ARHGEF10: variants seen among roughly 807,000 people sequenced by gnomAD.
The protein encoded by ARHGEF10 is Rho guanine nucleotide exchange factor 10.
A neutral mutation model predicts 147.4 loss-of-function variants in ARHGEF10; 140 were observed. The ratio of observed to expected loss-of-function variants is 0.95; its 90% confidence interval spans 0.83 to 1.09. The LOEUF (loss-of-function observed/expected upper bound fraction) is 1.09. Ranked by LOEUF, ARHGEF10 falls within the 50% of genes least tolerant of loss-of-function variation. ARHGEF10 has a pLI of 0.00. For missense variants in ARHGEF10, 2,222 were observed against 1,752.7 expected (o/e 1.27, Z -4.78); for synonymous variants, 902 against 695.8 (o/e 1.30, Z -4.67).
intron 4 of ARHGEF10, among the ~76,000 whole-genome samples, chr8:1,862,928 G>A (rs1352967071): frequency 1.3e-5 from 2 of 151,482 alleles, no homozygotes; most frequent in African/African-American, 2.4e-5. Flanking sequence ...ACAGGCGCCC[G>A]CCACCACGCC....
intron 10 of ARHGEF10, among the ~76,000 whole-genome samples, chr8:1,883,974 C>T (rs1437209834): frequency 6.6e-6 from 1 of 152,296 alleles, no homozygotes; most frequent in South Asian, 2.1e-4. Flanking sequence ...CTGGCAGAGT[C>T]CCCCGGGACT....
chr8:1,859,803 G>T, intron 3 of ARHGEF10, 94 bp from the exon 4 acceptor site: 1 of 1,471,404 alleles, frequency 6.8e-7, no homozygotes, highest in Non-Finnish European at 9.4e-7. Context: ...ATGATGGTGG[G>T]AGCTCATACC....
chr8:1,947,007 A>G (rs1294150603), intron 27 of ARHGEF10, among the ~76,000 whole-genome samples: 1 of 152,284 alleles, frequency 6.6e-6, no homozygotes, highest in Non-Finnish European at 1.5e-5. Flanking sequence ...GTTTATATTT[A>G]GAGAACCAAA....
chr8:1,888,614 G>GA lies in ARHGEF10; in HGVS notation c.1182+2907_1182+2908insA, dbSNP rs1554493533. On this transcript the variant is annotated intron_variant, in intron 11 of 28. Transcript: ENST00000349830. ...TGTGAGGTGTCACTGAGTGTGGTGA[G>GA]GTTTGTGAGGAAACACAGAGTGTGG... Among the ~76,000 whole-genome samples the GA allele has an allele frequency of 2.8e-4, 39 of 138,608 alleles. 6 individuals are homozygous for GA. The highest frequency in any genetic ancestry group is 4.8e-4 in the South Asian group (2 of 4,172). 90.9% of individuals were successfully genotyped at this position (138,608 alleles called of 152,430 possible).
chr8:1,919,195 T>TTCCGTGGGTGATGGAGCTGC (rs1333104240), intron 18 of ARHGEF10, among the ~76,000 whole-genome samples: 5 of 147,946 alleles, frequency 3.4e-5, no homozygotes, highest in African/African-American at 1.0e-4. Context: ...GATGGAGCTG[T>TTCCGTGGGTGATGGAGCTGC]TCCGTGGGTG....
intron 11 of ARHGEF10, among the ~76,000 whole-genome samples, chr8:1,892,277 C>CTGTGTGTGTGTGTGTGTGTGTG (rs66526026): frequency 5.5e-5 from 7 of 126,600 alleles, no homozygotes; most frequent in African/African-American, 2.3e-4. Context: ...GCTTCTGGCT[C>CTGTGTGTGTGTGTGTGTGTGTG]TGTGTGTGTG....
chr8:1,833,420 A>G (rs1363561160), intron 1 of ARHGEF10, among the ~76,000 whole-genome samples: 2 of 148,902 alleles, frequency 1.3e-5, no homozygotes, highest in African/African-American at 2.4e-5. Context: ...AGAGGCAGAG[A>G]CAGAGACAGA....
At chr8:1,872,738 C>A (rs554219433) in intron 7 of ARHGEF10, among the ~76,000 whole-genome samples, 1 of 152,206 alleles carries the variant, frequency 6.6e-6, no homozygotes, top group East Asian at 1.9e-4. Flanking sequence ...TTCTTAAAAT[C>A]TACCGCCAAC....
chr8:1,939,383 T>C (rs1380228792), intron 26 of ARHGEF10, among the ~76,000 whole-genome samples: 1 of 152,202 alleles, frequency 6.6e-6, no homozygotes, highest in Non-Finnish European at 1.5e-5. Context: ...GGTTAAGACA[T>C]TGATGACACA....
chr8:1,884,209 C>A (rs187645049), intron 10 of ARHGEF10, among the ~76,000 whole-genome samples: 1 of 152,080 alleles, frequency 6.6e-6, no homozygotes, highest in East Asian at 1.9e-4. Context: ...CTGGCTAACA[C>A]GGTGAAACCC....
At chr8:1,830,856 A>C (rs1308071304) in intron 1 of ARHGEF10, among the ~76,000 whole-genome samples, 1 of 152,244 alleles carries the variant, frequency 6.6e-6, no homozygotes, top group Non-Finnish European at 1.5e-5. Context: ...AGGCGCCAAG[A>C]GAATGGGGTC....
At chr8:1,896,916 G>T (rs989293773) in intron 14 of ARHGEF10, among the ~76,000 whole-genome samples, 2 of 152,204 alleles carry the variant, frequency 1.3e-5, no homozygotes, top group African/African-American at 4.8e-5. Context: ...CCTTCCTCAG[G>T]GGTCTCTGAC....
intron 8 of ARHGEF10, among the ~76,000 whole-genome samples, chr8:1,877,051 G>C (rs1186864240): frequency 6.6e-6 from 1 of 152,216 alleles, no homozygotes; most frequent in Non-Finnish European, 1.5e-5. Flanking sequence ...TTTGCACGTA[G>C]CACCGTTTGC....
Position 1,882,843 on chromosome 8 carries a change from C to T in ARHGEF10, c.1075+94C>T, listed in dbSNP as rs1205799965. 8.2e-6 allele frequency: 8 copies of T among 975,906 alleles called. No homozygotes were observed. In the South Asian group the frequency reaches 9.7e-5, roughly 12 times the overall value. The allele number at this position is 975,906 out of a possible 1,614,324, so 60.5% of individuals were successfully genotyped here. On this transcript the variant is annotated intron_variant, in intron 10 of 28. Coordinates refer to ENST00000349830, the MANE Select transcript of ARHGEF10 (RefSeq NM_014629.4). ...GGACTCGGGGTGGGGGGCGGCCGCG[C>T]AGGCTCCCACAGCCTTAGGGAGCAC...
At chr8:1,932,023 C>G (rs1271732980) in intron 25 of ARHGEF10, among the ~76,000 whole-genome samples, 1 of 152,188 alleles carries the variant, frequency 6.6e-6, no homozygotes, top group East Asian at 1.9e-4. Context: ...TAGGACACTG[C>G]CAAGCCACAC....
In ARHGEF10 at chr8:1,928,549, C is replaced by T. The variant is rs767739640; in HGVS notation, c.2820C>T (p.Val940=). ...TCCTGTGCATGCTGTACGTTCCCGT[C>T]GAGGAGAAGCGCAGAGAGCCTGGGG... ...SRILCMLYVP[V]EEKRREPGAP... is the part of the protein sequence containing the mutation. The change falls in exon 24 of 29, where the codon GTC becomes GTT. Residue 940 remains valine (V), a synonymous_variant. Coordinates refer to ENST00000349830, the MANE Select transcript of ARHGEF10 (RefSeq NM_014629.4). 17 of 1,614,040 alleles carry T rather than the reference C, an allele frequency of 1.1e-5. No individual in the cohort carries two copies. Among genetic ancestry groups the T allele is most frequent in the South Asian group, 3.3e-5 (3 of 91,082 alleles).
chr8:1,867,875 A>C (rs1279479804), intron 6 of ARHGEF10, among the ~76,000 whole-genome samples: 1 of 152,192 alleles, frequency 6.6e-6, no homozygotes, highest in Non-Finnish European at 1.5e-5. Context: ...TCTGGTTTCA[A>C]TTATGACGTT....
intron 18 of ARHGEF10, among the ~76,000 whole-genome samples, chr8:1,919,483 G>A (rs1231325480): frequency 2.0e-5 from 3 of 148,774 alleles, no homozygotes; most frequent in Non-Finnish European, 4.5e-5. Context: ...GTTCTGTCCA[G>A]TGATGGAGCT....
intron 11 of ARHGEF10, among the ~76,000 whole-genome samples, chr8:1,893,103 A>C (rs539846257): frequency 1.3e-5 from 2 of 151,982 alleles, no homozygotes; most frequent in Non-Finnish European, 2.9e-5. Context: ...AAAAAAAAAA[A>C]AAAAAAAAAG....
Sources: gnomAD v4.1 joint callset for allele counts (sites outside exome capture counted in the v4.1 genomes callset) on GRCh38, gnomAD v4.1.1 for gene constraint, MANE v1.5 for transcripts, NCBI Gene and HGNC (gene_info 2026-07-23, HGNC 2026-07-21) for gene names.